Variants in TBXAS1 observed in about 807,000 individuals in gnomAD.
TBXAS1 encodes thromboxane A synthase 1.
A neutral mutation model predicts 60.7 loss-of-function variants in TBXAS1; 48 were observed. The ratio of observed to expected loss-of-function variants is 0.79; its 90% CI spans 0.63 to 1.01. The LOEUF is 1.01. TBXAS1 is among the 50% of genes least tolerant of loss of function. TBXAS1 has a pLI of 0.00. For missense variants in TBXAS1, 685 were observed against 686.3 expected (o/e 1.00, Z 0.02); for synonymous variants, 287 against 269.7 (o/e 1.06, Z -0.63).
chr7:139,901,861 C>T (rs1455917304), intron 3 of TBXAS1, among the ~76,000 whole-genome samples: 1 of 151,954 alleles, frequency 6.6e-6, no homozygotes, highest in African/African-American at 2.4e-5. Flanking sequence ...CCTACCCAGG[C>T]CTGCTAGATT....
intron 10 of TBXAS1, 43 bp downstream of exon 10, chr7:140,007,225 C>T (rs755631766): frequency 2.6e-6 from 4 of 1,567,484 alleles, no homozygotes; most frequent in South Asian, 2.2e-5. Flanking sequence ...CCACCTCCTA[C>T]CCCTACCCCC....
chr7:139,893,133 A>T (rs1803776135), intron 3 of TBXAS1, among the ~76,000 whole-genome samples: 1 of 151,842 alleles, frequency 6.6e-6, no homozygotes, highest in Non-Finnish European at 1.5e-5. Flanking sequence ...TGGGCTTTTT[A>T]TACCTAGTCC....
intron 5 of TBXAS1, among the ~76,000 whole-genome samples, chr7:139,950,849 C>CCCCCTCGCCCTCCATCTACGGGAT (rs1809193536): frequency 7.7e-6 from 1 of 129,642 alleles, no homozygotes; most frequent in Non-Finnish European, 1.7e-5. Context: ...ATCTACGGGA[C>CCCCCTCGCCCTCCATCTACGGGAT]CCCCTCGCCC....
intron 9 of TBXAS1, among the ~76,000 whole-genome samples, chr7:139,986,300 G>A (rs911422849): frequency 6.6e-6 from 1 of 152,144 alleles, no homozygotes; most frequent in Non-Finnish European, 1.5e-5. Context: ...AGTTGACTAG[G>A]GCCACACAGC....
chr7:139,889,408 C>A (rs1034823889), intron 3 of TBXAS1, among the ~76,000 whole-genome samples: 1 of 152,092 alleles, frequency 6.6e-6, no homozygotes, highest in South Asian at 2.1e-4. Flanking sequence ...ATCACTGAGG[C>A]TGACTTCAAA....
chr7:139,861,884 C>G (rs116967457), intron 1 of TBXAS1, among the ~76,000 whole-genome samples: 6 of 152,160 alleles, frequency 3.9e-5, no homozygotes, highest in African/African-American at 1.2e-4. Context: ...CCTTGGTTCA[C>G]GGTTGCTTTA....
chr7:139,833,392 A>T (rs560133367), intron 1 of TBXAS1, among the ~76,000 whole-genome samples: 1 of 151,938 alleles, frequency 6.6e-6, no homozygotes, highest in Non-Finnish European at 1.5e-5. Context: ...GTTAAAAGAG[A>T]CAAAGAGGGG....
intron 1 of TBXAS1, among the ~76,000 whole-genome samples, chr7:139,867,631 G>T (rs1801518294): frequency 6.6e-6 from 1 of 152,012 alleles, no homozygotes; most frequent in South Asian, 2.1e-4. Context: ...GACCAGCCTG[G>T]CCAACAGGGT....
intron 4 of TBXAS1, among the ~76,000 whole-genome samples, chr7:139,917,533 G>T (rs1430401987): frequency 1.3e-5 from 2 of 152,198 alleles, no homozygotes; most frequent in Non-Finnish European, 2.9e-5. Context: ...CTTTTCTAAT[G>T]TCTGGACATG....
At chr7:139,812,991 A>G (rs1046825307) in intron 4 of TBXAS1, among the ~76,000 whole-genome samples, 1 of 152,076 alleles carries the variant, frequency 6.6e-6, no homozygotes, top group African/African-American at 2.4e-5. Context: ...GGGGTGGCGG[A>G]GGTTGCAGTG....
At chr7:139,829,074 G>A, upstream of TBXAS1, 1 of 436,148 alleles carries the variant, frequency 2.3e-6, no homozygotes, top group Non-Finnish European at 4.4e-6. Flanking sequence ...CAACCATTTT[G>A]TTTCTCAGCA....
At chr7:139,836,888 G>A (rs983200135) in intron 1 of TBXAS1, among the ~76,000 whole-genome samples, 4 of 152,014 alleles carry the variant, frequency 2.6e-5, no homozygotes, top group African/African-American at 9.7e-5. Context: ...ACCCAGAGTG[G>A]GAAGAAATCT....
At chr7:139,922,349 A>C (rs1806550324) in intron 4 of TBXAS1, among the ~76,000 whole-genome samples, 1 of 151,784 alleles carries the variant, frequency 6.6e-6, no homozygotes, top group Admixed American at 6.6e-5. Context: ...TGATCTGCCC[A>C]CCTTCACCTC....
chr7:139,930,170 A>G (rs1807203415), intron 4 of TBXAS1, among the ~76,000 whole-genome samples: 1 of 152,128 alleles, frequency 6.6e-6, no homozygotes, highest in African/African-American at 2.4e-5. Context: ...CTTTGCACTA[A>G]TCTCACCTAT....
rs1813508950 is a variant in TBXAS1, at chr7:139,999,312, G to A, written c.1135-7779G>A. On this transcript the variant is annotated intron_variant, in intron 9 of 12. Coordinates refer to ENST00000448866, the MANE Select transcript of TBXAS1 (RefSeq NM_001061.7). The surrounding 1 kb of genome is among the most constrained non-coding windows in gnomAD (Gnocchi z 4.3). ...GGCCGAGGTGGGTGAATCACCTGAGGTCAGGAGTTCAAGACCAGCCTGGCC... is the reference window on the plus strand; with the variant it reads ...GGCCGAGGTGGGTGAATCACCTGAGATCAGGAGTTCAAGACCAGCCTGGCC... Among the ~76,000 whole-genome samples, 1 of 152,210 alleles carries A rather than the reference G, an allele frequency of 6.6e-6. No individual in the cohort carries two copies. Among genetic ancestry groups the A allele is most frequent in the Non-Finnish European group, 1.5e-5 (1 of 68,048 alleles).
At chr7:140,000,356 C>T (rs1813585099) in intron 9 of TBXAS1, among the ~76,000 whole-genome samples, 1 of 152,048 alleles carries the variant, frequency 6.6e-6, no homozygotes, top group Non-Finnish European at 1.5e-5. Flanking sequence ...AAACAAAAAA[C>T]AATTAGACAG....
chr7:139,784,046 T>C (rs925727870), intron 3 of TBXAS1, among the ~76,000 whole-genome samples: 2 of 147,874 alleles, frequency 1.4e-5, no homozygotes, highest in Non-Finnish European at 3.0e-5. Context: ...CCAAAATTCC[T>C]AGTCCTTCCT....
chr7:140,020,270 T>G lies in TBXAS1; in HGVS notation c.*171T>G. On this transcript the variant is annotated 3_prime_UTR_variant, in exon 13 of 13. Transcript: ENST00000448866. ...TCCTAAATGCTTAATAAACGTTTGT[T>G]GCACTTGGTTTTGACATTGCCAATG... 1 of 740,500 alleles carries G rather than the reference T, an allele frequency of 1.4e-6. No homozygotes were observed. The highest frequency in any genetic ancestry group is 1.5e-5 in the South Asian group (1 of 67,526). The allele number at this position is 740,500 out of a possible 1,614,324, so 45.9% of individuals were successfully genotyped here.
chr7:139,936,193 G>A lies in TBXAS1; in HGVS notation c.336G>A (p.Ala112=), dbSNP rs776535363. The change falls in exon 5 of 13, where the codon GCG becomes GCA. Residue 112 remains alanine, a splice_region_variant and synonymous_variant. Coordinates refer to ENST00000448866, the MANE Select transcript of TBXAS1 (RefSeq NM_001061.7). ...ENFSNFTNRM[A]SGLEFKSVAD... is the part of the protein sequence containing the mutation. ...CTCTGCTTGTTACTTCCCAACAGGCGTCGGGTTTGGAGTTCAAGTCGGTAG... is the reference window on the plus strand; with the variant it reads ...CTCTGCTTGTTACTTCCCAACAGGCATCGGGTTTGGAGTTCAAGTCGGTAG... 18 of 1,614,158 alleles carry A rather than the reference G, an allele frequency of 1.1e-5. No homozygotes were observed. Among genetic ancestry groups the A allele is most frequent in the African/African-American group, 5.3e-5 (4 of 75,042 alleles).
Sources: allele counts gnomAD v4.1 joint callset (sites outside exome capture counted in the v4.1 genomes callset), GRCh38; gene constraint gnomAD v4.1.1; non-coding constraint Gnocchi (gnomAD v3.1); transcripts MANE v1.5; gene names NCBI Gene and HGNC (gene_info 2026-07-23, HGNC 2026-07-21).